The following MSI2 variants were observed in gnomAD, a reference collection of about 807,000 sequenced individuals.
The protein encoded by MSI2 is musashi RNA binding protein 2, also known as RNA-binding protein Musashi homolog 2.
In MSI2, 17 loss-of-function variants were observed where a neutral mutation model predicts 45.6. That is an observed-to-expected ratio of 0.37 (90% CI 0.26 to 0.56). The LOEUF is 0.56. MSI2 is among the 20% of genes least tolerant of loss of function. The pLI is 0.77. For missense variants in MSI2, 293 were observed against 444.2 expected, an observed-to-expected ratio of 0.66 and a Z score of 3.06; for synonymous variants, 156 against 158.2, an observed-to-expected ratio of 0.99 and a Z score of 0.11.
intron 7 of MSI2, among the ~76,000 whole-genome samples, chr17:57,584,471 G>A (rs1367652582): frequency 2.0e-5 from 3 of 152,206 alleles, no homozygotes; most frequent in Admixed American, 1.3e-4. Flanking sequence ...TGGCAGGAAT[G>A]ACCCCCCTGT....
chr17:57,411,824 T>G lies in MSI2; in HGVS notation c.405+10353T>G, dbSNP rs535940474. On this transcript the variant is annotated intron_variant, in intron 6 of 13. Transcript: ENST00000284073. The stretch of plus-strand genomic sequence containing the variant: ...GAGTTTGAGACCAGCCTGGCCAACA[T>G]GGTGAAACCCTGTCTCTACTAAAAA... Among the ~76,000 whole-genome samples, 302 of 152,028 alleles carry G rather than the reference T, an allele frequency of 2.0e-3. 5 individuals are homozygous for G. The Middle Eastern group carries it at 0.034, about 17-fold the overall frequency.
At chr17:57,690,102 C>T in the MSI2 span, among the ~76,000 whole-genome samples, 5 of 148,880 alleles carry the variant, frequency 3.4e-5, no homozygotes, top group African/African-American at 1.2e-4. Context: ...AGACATTTTT[C>T]AGAGTTCTGG....
chr17:57,443,642 C>T (rs1320171469), intron 6 of MSI2, among the ~76,000 whole-genome samples: 1 of 152,090 alleles, frequency 6.6e-6, no homozygotes, highest in Admixed American at 6.5e-5. Flanking sequence ...ACGTAAAACC[C>T]CATCTCCTCC....
chr17:57,257,110 C>T lies in MSI2; in HGVS notation c.75C>T (p.Ile25=). Residue 25 remains isoleucine (I), a synonymous_variant, in exon 2 of 14, where the codon ATC becomes ATT. Transcript: ENST00000284073. ...TTTCTCCCTCTAGTAAAATGTTTAT[C>T]GGTGGACTGAGCTGGCAGACCTCAC... is the stretch of plus-strand genomic sequence containing the variant. The part of the protein sequence containing the change: ...DSQHDPGKMF[I]GGLSWQTSPD... 1 of 1,000,064 alleles carries T rather than the reference C, an allele frequency of 1.0e-6. No homozygotes were observed. Among genetic ancestry groups the T allele is most frequent in the Non-Finnish European group, 1.4e-6 (1 of 695,940 alleles). 61.9% of individuals were successfully genotyped at this position (1,000,064 alleles called of 1,614,324 possible).
intron 7 of MSI2, among the ~76,000 whole-genome samples, chr17:57,542,634 T>G (rs900649441): frequency 2.6e-5 from 4 of 152,208 alleles, no homozygotes; most frequent in African/African-American, 9.7e-5. Context: ...TTAACATTTT[T>G]CCAGCTGATG....
chr17:57,642,106 G>A (rs188615967), intron 10 of MSI2, among the ~76,000 whole-genome samples: 96 of 152,296 alleles, frequency 6.3e-4, no homozygotes, highest in Non-Finnish European at 1.0e-3. Flanking sequence ...AACTCTCCAG[G>A]GCCTCTGAAG....
At chr17:57,392,904 T>C (rs1186071276) in intron 5 of MSI2, among the ~76,000 whole-genome samples, 1 of 152,174 alleles carries the variant, frequency 6.6e-6, no homozygotes, top group Non-Finnish European at 1.5e-5. Context: ...ATAATTCAAA[T>C]ACCATATAAT....
Position 57,331,512 on chromosome 17 carries a change from G to A in MSI2, c.312+69320G>A, listed in dbSNP as rs1200212599. Among the ~76,000 whole-genome samples the A allele has an allele frequency of 2.0e-5, 3 of 152,208 alleles. No homozygotes were observed. In the East Asian group the frequency reaches 5.8e-4, roughly 29 times the overall value. ...GGTGAGGACCATGGGTGAGCCACGTGAGGGTTGATCATCTGAATAGCTGCT... is the reference window on the plus strand; with the variant it reads ...GGTGAGGACCATGGGTGAGCCACGTAAGGGTTGATCATCTGAATAGCTGCT... On this transcript the variant is annotated intron_variant, in intron 5 of 13. Transcript: ENST00000284073.
chr17:57,257,395 T>C, intron 2 of MSI2, 71 bp from the exon 3 acceptor site: 1 of 964,342 alleles, frequency 1.0e-6, no homozygotes, highest in Non-Finnish European at 1.6e-6. Flanking sequence ...TTGTCCTTGA[T>C]CAAAATTTGC....
intron 5 of MSI2, among the ~76,000 whole-genome samples, chr17:57,338,400 A>G (rs1393926603): frequency 6.6e-6 from 1 of 151,994 alleles, no homozygotes; most frequent in Non-Finnish European, 1.5e-5. Flanking sequence ...GTTTTATTTT[A>G]TTTTTTGAGA....
intron 7 of MSI2, among the ~76,000 whole-genome samples, chr17:57,548,902 C>A (rs1400146841): frequency 9.6e-6 from 1 of 103,958 alleles, no homozygotes; most frequent in Admixed American, 1.1e-4. Flanking sequence ...TACCCTTCCC[C>A]CCCCCACCCC....
intron 6 of MSI2, among the ~76,000 whole-genome samples, chr17:57,514,530 G>A (rs750806390): frequency 2.0e-5 from 3 of 152,058 alleles, no homozygotes; most frequent in Non-Finnish European, 4.4e-5. Context: ...ATGAAAACAT[G>A]GCACTAAAGC....
At chr17:57,485,178 G>A (rs2085727938) in intron 6 of MSI2, among the ~76,000 whole-genome samples, 1 of 152,164 alleles carries the variant, frequency 6.6e-6, no homozygotes, top group Admixed American at 6.5e-5. Flanking sequence ...CCTCAAACAG[G>A]TTGGCCTGGA....
intron 5 of MSI2, among the ~76,000 whole-genome samples, chr17:57,289,105 A>G (rs1394673159): frequency 1.3e-5 from 2 of 152,216 alleles, no homozygotes; most frequent in East Asian, 3.8e-4. Context: ...AATATTCATG[A>G]AATTCAAGAG....
At chr17:57,367,077 A>T (rs792370) in intron 5 of MSI2, among the ~76,000 whole-genome samples, 150,943 of 152,314 alleles carry the variant, frequency 0.99, 74,792 homozygotes, top group Middle Eastern at 1. Context: ...GAAAGTGTAT[A>T]CAAATAGTGA....
intron 6 of MSI2, among the ~76,000 whole-genome samples, chr17:57,443,837 C>T (rs2143486998): frequency 6.6e-6 from 1 of 152,264 alleles, no homozygotes; most frequent in South Asian, 2.1e-4. Flanking sequence ...ACAGGGTGAG[C>T]ACCCAGGGCA....
chr17:57,644,859 C>A (rs1188757400), intron 10 of MSI2, among the ~76,000 whole-genome samples: 1 of 152,152 alleles, frequency 6.6e-6, no homozygotes, highest in Non-Finnish European at 1.5e-5. Flanking sequence ...CCTCAGAATT[C>A]TCTCATCTCC....
intron 5 of MSI2, among the ~76,000 whole-genome samples, chr17:57,304,417 AAT>A (rs1911704539): frequency 6.7e-6 from 1 of 149,580 alleles, no homozygotes; most frequent in Non-Finnish European, 1.5e-5. Context: ...GATAAAGAGT[AAT>A]TTTTTTTTTT....
At position 57,265,198 on chromosome 17, in the gene MSI2, C is replaced by T. The variant is rs141053476; in HGVS notation, c.312+3006C>T. On this transcript the variant is annotated intron_variant, in intron 5 of 13. Coordinates refer to ENST00000284073, the MANE Select transcript of MSI2 (RefSeq NM_138962.4). ...CCAGGAGCATAGAACTTTAAGTCGA[C>T]CCTGATTTATTTATCGATTATCTCC... 6 of 152,298 alleles carry T rather than the reference C, an allele frequency of 3.9e-5. No homozygotes were observed. In the East Asian group the frequency reaches 1.2e-3, roughly 29 times the overall value. The allele number at this position is 152,298 out of a possible 1,614,324, so 9.4% of individuals were successfully genotyped here. A position where few individuals can be genotyped will look rare whatever the true frequency, so the allele number is the denominator to read the frequency against.
Sources: gnomAD v4.1 joint callset for allele counts (sites outside exome capture counted in the v4.1 genomes callset) on GRCh38, gnomAD v4.1.1 for gene constraint, MANE v1.5 for transcripts, NCBI Gene and HGNC (gene_info 2026-07-23, HGNC 2026-07-21) for gene names.